Variants in RAPGEF1 observed in about 807,000 individuals in gnomAD.
The protein encoded by RAPGEF1 is CRK SH3-binding GNRP.
RAPGEF1 carries 33 observed loss-of-function variants against 143.3 expected under a neutral mutation model. That is an observed-to-expected ratio of 0.23 (90% CI 0.17 to 0.31). RAPGEF1 has a LOEUF of 0.31. RAPGEF1 is among the 10% of genes least tolerant of loss of function. The pLI is 1.00. For synonymous variants in RAPGEF1, 629 were observed against 676.5 expected (o/e 0.93, Z 1.09); for missense variants, 1,199 against 1,645.4 (o/e 0.73, Z 4.69).
At chr9:131,607,633 A>C (rs1957322213) in intron 12 of RAPGEF1, among the ~76,000 whole-genome samples, 1 of 152,050 alleles carries the variant, frequency 6.6e-6, no homozygotes, top group Middle Eastern at 3.2e-3. Context: ...GGAGTGGCTC[A>C]ATCTTTTGTA....
intron 17 of RAPGEF1, among the ~76,000 whole-genome samples, chr9:131,595,633 G>C (rs1461516643): frequency 6.6e-6 from 1 of 152,234 alleles, no homozygotes; most frequent in Non-Finnish European, 1.5e-5. Context: ...GCAGTGAAGG[G>C]TGCTGTGGCC....
Position 131,579,275 on chromosome 9 carries a change from C to A in RAPGEF1, c.*222G>T. The A allele has an allele frequency of 1.7e-6, 1 of 574,354 alleles. No individual in the cohort carries two copies. Among genetic ancestry groups the A allele is most frequent in the Non-Finnish European group, 3.0e-6 (1 of 330,658 alleles). 35.6% of individuals were successfully genotyped at this position (574,354 alleles called of 1,614,324 possible). On this transcript the variant is annotated 3_prime_UTR_variant, in exon 27 of 27. Coordinates refer to ENST00000683357, the MANE Select transcript of RAPGEF1 (RefSeq NM_001377935.1). ...GTTTGTAAATTGGCAACAAGACCTGCCTGCTGGCTGCCCTGAGGCCCACGG... is the reference window on the plus strand; with the variant it reads ...GTTTGTAAATTGGCAACAAGACCTGACTGCTGGCTGCCCTGAGGCCCACGG...
At chr9:131,721,571 G>A (rs1836268268) in intron 1 of RAPGEF1, among the ~76,000 whole-genome samples, 1 of 152,182 alleles carries the variant, frequency 6.6e-6, no homozygotes, top group South Asian at 2.1e-4. Flanking sequence ...GCCACCAACT[G>A]TATGGAATAG....
At chr9:131,632,823 TC>T (rs1259489083) in intron 5 of RAPGEF1, among the ~76,000 whole-genome samples, 8 of 152,258 alleles carry the variant, frequency 5.3e-5, no homozygotes, top group Admixed American at 5.2e-4. Flanking sequence ...CACCCTTTTA[TC>T]TTGTTCTTTT....
intron 1 of RAPGEF1, among the ~76,000 whole-genome samples, chr9:131,714,047 G>A (rs1351774346): frequency 6.6e-6 from 1 of 151,922 alleles, no homozygotes; most frequent in Non-Finnish European, 1.5e-5. Flanking sequence ...CTGTACCTCA[G>A]GAATAATTTT....
Position 131,628,400 on chromosome 9 carries a change from A to C in RAPGEF1, c.1017+149T>G. 8.7e-7 allele frequency: 1 copy of C among 1,144,954 alleles called. No individual in the cohort carries two copies. Among genetic ancestry groups the C allele is most frequent in the Non-Finnish European group, 1.2e-6 (1 of 827,944 alleles). 70.9% of individuals were successfully genotyped at this position (1,144,954 alleles called of 1,614,324 possible). On this transcript the variant is annotated intron_variant, in intron 8 of 26. Transcript: ENST00000683357. This position sits in a 1 kb window ranked among gnomAD's most constrained non-coding sequence, Gnocchi z 5.7. ...TGGGAACTTGGACCGTGTCCTGGAG[A>C]GAGAGGGATGGGTACAAGGTCTCGC...
At chr9:131,685,068 T>C (rs566269811) in intron 1 of RAPGEF1, among the ~76,000 whole-genome samples, 75 of 152,248 alleles carry the variant, frequency 4.9e-4, no homozygotes, top group Non-Finnish European at 8.8e-4. Context: ...TGAGTATTCC[T>C]TCAACAAGGG....
chr9:131,607,517 G>A (rs1377490846), intron 12 of RAPGEF1, among the ~76,000 whole-genome samples: 3 of 152,122 alleles, frequency 2.0e-5, no homozygotes, highest in African/African-American at 7.2e-5. Context: ...CTTACTGGCT[G>A]GGAAAGTCCA....
intron 12 of RAPGEF1, among the ~76,000 whole-genome samples, chr9:131,610,010 C>A (rs540861031): frequency 6.6e-6 from 1 of 152,304 alleles, no homozygotes; most frequent in South Asian, 2.1e-4. Context: ...GATTCTCCTG[C>A]CTCAGCCTCT....
At chr9:131,595,525 C>T (rs1281503733) in intron 17 of RAPGEF1, among the ~76,000 whole-genome samples, 1 of 152,162 alleles carries the variant, frequency 6.6e-6, no homozygotes, top group African/African-American at 2.4e-5. Flanking sequence ...TTCACCATTG[C>T]TCTGACATCA....
chr9:131,662,248 C>T (rs1974322960), intron 1 of RAPGEF1, among the ~76,000 whole-genome samples: 2 of 152,228 alleles, frequency 1.3e-5, no homozygotes. Flanking sequence ...TCTCCCCCAT[C>T]TTAAAGACCC....
In RAPGEF1 at chr9:131,584,557, G is replaced by A. The variant is rs766952493; in HGVS notation, c.3273C>T (p.Asp1091=). The A allele has an allele frequency of 1.2e-6, 2 of 1,613,872 alleles. No homozygotes were observed. Among genetic ancestry groups the A allele is most frequent in the East Asian group, 4.5e-5 (2 of 44,894 alleles). Residue 1091 remains aspartate, a synonymous_variant, in exon 23 of 27, where the codon GAC becomes GAT. Transcript: ENST00000683357. The surrounding 1 kb of genome is among the most constrained non-coding windows in gnomAD (Gnocchi z 6.8). ...TGAACTTCAAGAGCAGCCGTTCCCT[G>A]TCCTGGGCCTTTTCCTGTAACATGA... ...SIIMLQEKAQ[D]RERLLLKFIK...
In RAPGEF1 at chr9:131,588,953, C is replaced by A; in HGVS notation, c.2901G>T (p.Leu967=). ...CCAGGCGGAAGACCAGTTCCATCAG[C>A]AGCTTCAGGATCTCTTCTGTCAACT... ...LVELTEEILK[L]LMELVFRLVC... Residue 967 remains leucine (L), a synonymous_variant, in exon 20 of 27, where the codon CTG becomes CTT. Transcript: ENST00000683357. 1 of 1,613,864 alleles carries A rather than the reference C, an allele frequency of 6.2e-7. No individual in the cohort carries two copies. The highest frequency in any genetic ancestry group is 8.5e-7 in the Non-Finnish European group (1 of 1,179,816).
At chr9:131,629,307 C>T (rs1964208329) in intron 6 of RAPGEF1, 53 bp from the exon 7 acceptor site, 9 of 1,546,302 alleles carry the variant, frequency 5.8e-6, no homozygotes, top group Non-Finnish European at 7.1e-6. Flanking sequence ...CGGGACAGAG[C>T]ACACACAGGC....
chr9:131,594,789 T>C lies in RAPGEF1; in HGVS notation c.2689+1509A>G, dbSNP rs549961681. ...CAGCCAGCAAAAGCCAGAAGCCTCT[T>C]GGCTGTCCTGTCTCAGGGACCCCTC... On this transcript the variant is annotated intron_variant, in intron 17 of 26. Coordinates refer to ENST00000683357, the MANE Select transcript of RAPGEF1 (RefSeq NM_001377935.1). Among the ~76,000 whole-genome samples, 9 of 152,284 alleles carry C rather than the reference T, an allele frequency of 5.9e-5. No individual in the cohort carries two copies. In the South Asian group the frequency reaches 1.7e-3, roughly 28 times the overall value.
At position 131,587,840 on chromosome 9, in the gene RAPGEF1, G is replaced by T; in HGVS notation, c.3139-10C>A. 6.2e-7 allele frequency: 1 copy of T among 1,612,640 alleles called. No individual in the cohort carries two copies. Among genetic ancestry groups the T allele is most frequent in the Non-Finnish European group, 8.5e-7 (1 of 1,179,222 alleles). On this transcript the variant is annotated splice_polypyrimidine_tract_variant and intron_variant, in intron 21 of 26. Coordinates refer to ENST00000683357, the MANE Select transcript of RAPGEF1 (RefSeq NM_001377935.1). ...GCAAAACCTCAGGAATCTACAAAAGGAAAGAAGGCAGATGGAGGTGGAGCC... is the reference window on the plus strand; with the variant it reads ...GCAAAACCTCAGGAATCTACAAAAGTAAAGAAGGCAGATGGAGGTGGAGCC...
intron 1 of RAPGEF1, among the ~76,000 whole-genome samples, chr9:131,692,744 T>C (rs991504051): frequency 7.2e-4 from 110 of 152,216 alleles, no homozygotes; most frequent in Non-Finnish European, 2.8e-4. Flanking sequence ...TTGCCGGAAT[T>C]GCACAATCAG....
At chr9:131,679,834 C>T (rs976173594) in intron 1 of RAPGEF1, among the ~76,000 whole-genome samples, 1 of 152,212 alleles carries the variant, frequency 6.6e-6, no homozygotes, top group Non-Finnish European at 1.5e-5. Flanking sequence ...CAGCTCCCTG[C>T]CACAGGGGCC....
At chr9:131,713,212 T>G (rs1462056584) in intron 1 of RAPGEF1, among the ~76,000 whole-genome samples, 2 of 152,142 alleles carry the variant, frequency 1.3e-5, no homozygotes, top group Non-Finnish European at 2.9e-5. Context: ...CTGTACGAAC[T>G]GCCTTCAATC....
Sources: gnomAD v4.1 joint callset for allele counts (sites outside exome capture counted in the v4.1 genomes callset) on GRCh38, gnomAD v4.1.1 for gene constraint, Gnocchi (gnomAD v3.1) non-coding constraint, MANE v1.5 for transcripts, NCBI Gene and HGNC (gene_info 2026-07-23, HGNC 2026-07-21) for gene names.